The following SNX29 variants were observed in gnomAD, a reference collection of about 807,000 sequenced individuals.
SNX29 encodes sorting nexin-29.
A neutral mutation model predicts 102.1 loss-of-function variants in SNX29; 78 were observed. The observed-to-expected ratio is 0.76, with a 90% CI of 0.64 to 0.92. SNX29 has a LOEUF of 0.92. Ranked by LOEUF, SNX29 falls within the 40% of genes least tolerant of loss-of-function variation. The pLI is 0.00. For synonymous variants in SNX29, 580 were observed against 414.5 expected (o/e 1.40, Z -4.85); for missense variants, 1,280 against 1,061.7 (o/e 1.21, Z -2.86).
Position 12,573,678 on chromosome 16 carries a change from G to GGAT in SNX29, c.*5051_*5053dup, listed in dbSNP as rs1218572739. ...TCACTGTCAGTGTAGGTAAGACAGA[G>GGAT]GATGCCCTTGCAAAAATTGGGACTG... On this transcript the variant is annotated 3_prime_UTR_variant, in exon 21 of 21. Coordinates refer to ENST00000566228, the MANE Select transcript of SNX29 (RefSeq NM_032167.5). The GGAT allele has an allele frequency of 5.8e-5, 13 of 223,178 alleles. No individual in the cohort carries two copies. The highest frequency in any genetic ancestry group is 2.9e-4 in the African/African-American group (13 of 44,868). The allele number at this position is 223,178 out of a possible 1,614,324, so 13.8% of individuals were successfully genotyped here. A position where few individuals can be genotyped will look rare whatever the true frequency, so the allele number is the denominator to read the frequency against.
chr16:11,980,994 T>A lies in SNX29; in HGVS notation c.7+4181T>A, dbSNP rs1596519737. On this transcript the variant is annotated intron_variant, in intron 1 of 20. Transcript: ENST00000566228. ...TTTTTTTTTTGAGTTGGAGTCTTGC[T>A]CTATCACCCAGGCTGGAGTGCTGGA... 2.6e-5 allele frequency among the ~76,000 whole-genome samples: 4 copies of A among 151,658 alleles called. 1 individual carries two copies. The South Asian group carries it at 8.4e-4, about 32-fold the overall frequency.
At chr16:12,527,288 T>C in intron 20 of SNX29, 5 of 532,208 alleles carry the variant, frequency 9.4e-6, no homozygotes, top group Non-Finnish European at 1.8e-5. Context: ...TTTCTCCATG[T>C]GCTGCCCACA....
intron 4 of SNX29, among the ~76,000 whole-genome samples, chr16:12,041,581 T>A (rs1010582341): frequency 6.6e-6 from 1 of 152,248 alleles, no homozygotes; most frequent in African/African-American, 2.4e-5. Context: ...GCTTCAGGGC[T>A]GAATCCGTTT....
rs76567277 is a variant in SNX29 at position 12,363,191 on chromosome 16, A to G, written c.1899+6912A>G. On this transcript the variant is annotated intron_variant, in intron 16 of 20. Coordinates refer to ENST00000566228, the MANE Select transcript of SNX29 (RefSeq NM_032167.5). ...GGACCGGGTCCCCAGGGGATACCCC[A>G]TTATTGCCTCAGGCCTGCTTTGGTC... is the stretch of plus-strand genomic sequence containing the variant. Among the ~76,000 whole-genome samples, 222 of 152,330 alleles carry G rather than the reference A, an allele frequency of 1.5e-3. 4 individuals are homozygous for G. In the East Asian group the frequency reaches 0.039, roughly 27 times the overall value.
In SNX29 at chr16:12,572,520, C is replaced by T; in HGVS notation, c.*3891C>T. The T allele has an allele frequency of 9.4e-7, 1 of 1,064,302 alleles. No individual in the cohort carries two copies. The highest frequency in any genetic ancestry group is 1.1e-6 in the Non-Finnish European group (1 of 878,630). The allele number at this position is 1,064,302 out of a possible 1,614,324, so 65.9% of individuals were successfully genotyped here. A position where few individuals can be genotyped will look rare whatever the true frequency, so the allele number is the denominator to read the frequency against. ...CCTCGGCCTTCCTGCTCCACGTGCT[C>T]AAGCCCCCACAGGGGGCTGCGACAC... On this transcript the variant is annotated 3_prime_UTR_variant, in exon 21 of 21. Coordinates refer to ENST00000566228, the MANE Select transcript of SNX29 (RefSeq NM_032167.5).
intron 18 of SNX29, among the ~76,000 whole-genome samples, chr16:12,413,642 G>A (rs1464294901): frequency 1.3e-5 from 2 of 152,172 alleles, no homozygotes; most frequent in African/African-American, 4.8e-5. Context: ...GTACGCTGCT[G>A]TGCAGGGGAG....
chr16:12,421,827 C>G (rs2084881824), intron 18 of SNX29, among the ~76,000 whole-genome samples: 1 of 151,836 alleles, frequency 6.6e-6, no homozygotes, highest in Non-Finnish European at 1.5e-5. Flanking sequence ...ATCACCATCA[C>G]TAGCCATGCA....
chr16:12,224,612 G>A (rs1416444190), intron 14 of SNX29, among the ~76,000 whole-genome samples: 1 of 152,222 alleles, frequency 6.6e-6, no homozygotes, highest in Non-Finnish European at 1.5e-5. Flanking sequence ...TCAAAACAGG[G>A]AAGTGAGATG....
intron 19 of SNX29, among the ~76,000 whole-genome samples, chr16:12,481,535 CA>C (rs1332854169): frequency 2.0e-5 from 3 of 150,924 alleles, no homozygotes; most frequent in African/African-American, 4.9e-5. Context: ...CACACACACA[CA>C]CACACACACA....
At chr16:12,029,038 G>T (rs1352894675) in intron 4 of SNX29, among the ~76,000 whole-genome samples, 1 of 152,118 alleles carries the variant, frequency 6.6e-6, no homozygotes, top group East Asian at 1.9e-4. Flanking sequence ...AAGCCACTGC[G>T]CCTGGCCTTG....
At chr16:12,460,657 C>CTTTTTT (rs56823217) in intron 18 of SNX29, among the ~76,000 whole-genome samples, 1 of 133,688 alleles carries the variant, frequency 7.5e-6, no homozygotes, top group African/African-American at 2.9e-5. Context: ...TGTGTGAACT[C>CTTTTTT]TTTTTTTTTT....
intron 18 of SNX29, among the ~76,000 whole-genome samples, chr16:12,436,112 G>C (rs1166032307): frequency 6.6e-6 from 1 of 152,198 alleles, no homozygotes; most frequent in Non-Finnish European, 1.5e-5. Flanking sequence ...TGGTGATGCA[G>C]ACGTAGCTGA....
At chr16:12,517,796 A>G (rs80179430) in intron 19 of SNX29, among the ~76,000 whole-genome samples, 218 of 152,110 alleles carry the variant, frequency 1.4e-3, no homozygotes, top group Admixed American at 0.011. Flanking sequence ...GAGAATGAGG[A>G]CTGGATCAGA....
At chr16:12,226,714 C>T (rs1469272425) in intron 14 of SNX29, among the ~76,000 whole-genome samples, 1 of 151,906 alleles carries the variant, frequency 6.6e-6, no homozygotes, top group Admixed American at 6.6e-5. Flanking sequence ...GCCGGGATTA[C>T]AGGTGTGTGT....
intron 20 of SNX29, among the ~76,000 whole-genome samples, chr16:12,537,043 T>C (rs946884894): frequency 6.6e-6 from 1 of 152,162 alleles, no homozygotes; most frequent in Non-Finnish European, 1.5e-5. Flanking sequence ...AGCAAGCACA[T>C]TCACTGAGCA....
intron 11 of SNX29, among the ~76,000 whole-genome samples, chr16:12,119,632 C>T (rs1336795624): frequency 6.6e-6 from 1 of 152,234 alleles, no homozygotes; most frequent in Admixed American, 6.5e-5. Context: ...GGGAGAACTG[C>T]CAGAGGCCAC....
intron 14 of SNX29, among the ~76,000 whole-genome samples, chr16:12,216,528 G>C (rs1460122435): frequency 6.6e-6 from 1 of 152,214 alleles, no homozygotes; most frequent in Non-Finnish European, 1.5e-5. Flanking sequence ...CATGCAAGCT[G>C]ACCACTGGTC....
chr16:12,213,000 G>A (rs1157632623), intron 14 of SNX29, among the ~76,000 whole-genome samples: 1 of 152,188 alleles, frequency 6.6e-6, no homozygotes, highest in Non-Finnish European at 1.5e-5. Flanking sequence ...TGTAATCCCA[G>A]CTACTCGGGA....
intron 18 of SNX29, chr16:12,443,431 C>G (rs1249962914): frequency 1.9e-5 from 3 of 155,370 alleles, no homozygotes; most frequent in African/African-American, 7.2e-5. Context: ...CCCAAAACAT[C>G]AGCTCTAAAT....
Sources: gnomAD v4.1 joint callset for allele counts (sites outside exome capture counted in the v4.1 genomes callset) on GRCh38, gnomAD v4.1.1 for gene constraint, MANE v1.5 for transcripts, NCBI Gene and HGNC (gene_info 2026-07-23, HGNC 2026-07-21) for gene names.